Variants in EPHB2 observed in about 807,000 individuals in gnomAD.
EPHB2 encodes ephrin type-B receptor 2.
A neutral mutation model predicts 96.4 loss-of-function variants in EPHB2; 18 were observed. That is an observed-to-expected ratio of 0.19 (90% CI 0.13 to 0.28). The LOEUF (loss-of-function observed/expected upper bound fraction) is 0.28, where lower values mean the gene tolerates loss of function less well. Ranked by LOEUF, EPHB2 falls within the 10% of genes least tolerant of loss-of-function variation. The probability of loss-of-function intolerance (pLI) is 1.00; values close to 1 mark genes in which losing one functional copy is unlikely to be tolerated. For missense variants in EPHB2, 989 were observed against 1,355.4 expected, an observed-to-expected ratio of 0.73 and a Z score of 4.25; for synonymous variants, 506 against 534.1, an observed-to-expected ratio of 0.95 and a Z score of 0.72.
At chr1:22,768,576 C>T (rs1644336910) in intron 1 of EPHB2, among the ~76,000 whole-genome samples, 1 of 151,950 alleles carries the variant, frequency 6.6e-6, no homozygotes, top group Non-Finnish European at 1.5e-5. Context: ...ACGTGTAGTC[C>T]CAGCTTCTCA....
At chr1:22,720,660 TCCCCCC>T (rs916713865) in intron 1 of EPHB2, among the ~76,000 whole-genome samples, 4 of 57,380 alleles carry the variant, frequency 7.0e-5, no homozygotes, top group African/African-American at 1.9e-4. Context: ...GAAATCTCAT[TCCCCCC>T]CCCCCCCGCC....
chr1:22,730,000 A>G (rs1643671387), intron 1 of EPHB2, among the ~76,000 whole-genome samples: 1 of 152,230 alleles, frequency 6.6e-6, no homozygotes, highest in Non-Finnish European at 1.5e-5. Flanking sequence ...GTGCTGTGAC[A>G]TCCATCATCT....
intron 3 of EPHB2, among the ~76,000 whole-genome samples, chr1:22,820,797 AT>A (rs1645142534): frequency 6.6e-6 from 1 of 152,240 alleles, no homozygotes; most frequent in South Asian, 2.1e-4. Flanking sequence ...AGTATTTGTT[AT>A]TATAACCATT....
chr1:22,891,961 ATTT>A (rs528214016), intron 6 of EPHB2, among the ~76,000 whole-genome samples: 1 of 138,648 alleles, frequency 7.2e-6, no homozygotes. Flanking sequence ...TGCCCAGCTA[ATTT>A]TTTTTTTTTT....
intron 6 of EPHB2, chr1:22,891,313 C>T (rs1639380746): frequency 2.4e-6 from 1 of 413,526 alleles, no homozygotes; most frequent in South Asian, 1.8e-5. Context: ...GGGCTCCGTG[C>T]ACTCTGTGAT....
In EPHB2 at chr1:22,893,065, G is replaced by T. The variant is rs748716233; in HGVS notation, c.1591+19G>T. The T allele has an allele frequency of 6.2e-7, 1 of 1,614,084 alleles. No homozygotes were observed. The highest frequency in any genetic ancestry group is 8.5e-7 in the Non-Finnish European group (1 of 1,180,012). On this transcript the variant is annotated intron_variant, in intron 7 of 15. Transcript: ENST00000374630. ...ACAGAAGGTGAGCAGAGTCCAGCGG[G>T]CAAGAGGAGGGCACAGACTCCACAA...
intron 6 of EPHB2, 27 bp downstream of exon 6, chr1:22,882,510 A>G (rs1314134914): frequency 3.1e-6 from 5 of 1,612,286 alleles, no homozygotes; most frequent in African/African-American, 1.3e-5. Flanking sequence ...TGCTGTCCCC[A>G]TCACCCACCT....
chr1:22,909,051 C>T lies in EPHB2; in HGVS notation c.2382C>T (p.Ala794=). Residue 794 remains alanine, a synonymous_variant, in exon 13 of 16, where the codon GCC becomes GCT. Transcript: ENST00000374630. ...GAAAGATCCCCATCCGCTGGACAGCCCCGGAAGCCATCCAGTACCGGAAGT... is the reference window on the plus strand; with the variant it reads ...GAAAGATCCCCATCCGCTGGACAGCTCCGGAAGCCATCCAGTACCGGAAGT... ...LGGKIPIRWT[A]PEAIQYRKFT... 6.2e-7 allele frequency: 1 copy of T among 1,614,210 alleles called. No homozygotes were observed. Among genetic ancestry groups the T allele is most frequent in the Non-Finnish European group, 8.5e-7 (1 of 1,180,044 alleles).
intron 1 of EPHB2, among the ~76,000 whole-genome samples, chr1:22,752,108 C>T (rs968861433): frequency 6.6e-6 from 1 of 152,232 alleles, no homozygotes; most frequent in African/African-American, 2.4e-5. Flanking sequence ...TATTGTGAAA[C>T]TTAAACATGA....
rs150285647 is a variant in EPHB2 at position 22,774,853 on chromosome 1, T to C, written c.62-6568T>C. Among the ~76,000 whole-genome samples the C allele has an allele frequency of 3.7e-3, 557 of 152,284 alleles. 2 individuals are homozygous for C. The highest frequency in any genetic ancestry group is 0.013 in the African/African-American group (530 of 41,540). ...GAACAAGGTGGATGCAGACCTCCCC[T>C]ACATGTGGGCCCTGGGAGACATCAG... On this transcript the variant is annotated intron_variant, in intron 1 of 15. Coordinates refer to ENST00000374630, the MANE Select transcript of EPHB2 (RefSeq NM_017449.5).
At chr1:22,792,278 T>G (rs1304161200) in intron 3 of EPHB2, among the ~76,000 whole-genome samples, 2 of 151,422 alleles carry the variant, frequency 1.3e-5, no homozygotes, top group African/African-American at 2.4e-5. Flanking sequence ...TGGGGAAGGG[T>G]GTGAGGGTTG....
At chr1:22,815,573 T>C (rs987159694) in intron 3 of EPHB2, among the ~76,000 whole-genome samples, 1 of 152,262 alleles carries the variant, frequency 6.6e-6, no homozygotes, top group African/African-American at 2.4e-5. Context: ...GAGCCCTGCA[T>C]TGGCCCCAGG....
intron 3 of EPHB2, among the ~76,000 whole-genome samples, chr1:22,806,892 G>C (rs1022446543): frequency 6.7e-6 from 1 of 150,244 alleles, no homozygotes; most frequent in African/African-American, 2.5e-5. Flanking sequence ...GCCCCCCCTC[G>C]TCACCACCCC....
At chr1:22,866,920 G>A (rs577159136) in intron 5 of EPHB2, among the ~76,000 whole-genome samples, 3 of 152,274 alleles carry the variant, frequency 2.0e-5, no homozygotes, top group South Asian at 4.1e-4. Flanking sequence ...GGTGACAAGA[G>A]CAAAATTCTG....
At chr1:22,831,231 GTGA>G (rs1645299186) in intron 3 of EPHB2, among the ~76,000 whole-genome samples, 2 of 152,182 alleles carry the variant, frequency 1.3e-5, no homozygotes, top group Non-Finnish European at 2.9e-5. Flanking sequence ...ATTGAGTGAG[GTGA>G]TTTATATAGG....
chr1:22,857,600 C>T (rs549676617), intron 3 of EPHB2, among the ~76,000 whole-genome samples: 20 of 152,146 alleles, frequency 1.3e-4, no homozygotes, highest in Admixed American at 2.0e-4. Context: ...GTTTGAAAAC[C>T]GAGATGCTTT....
At chr1:22,866,713 C>T (rs896394344) in intron 5 of EPHB2, among the ~76,000 whole-genome samples, 3 of 152,126 alleles carry the variant, frequency 2.0e-5, no homozygotes, top group Admixed American at 6.5e-5. Context: ...GCGGGAGGAT[C>T]ACCTGAGGTC....
At chr1:22,824,955 C>A (rs1214319638) in intron 3 of EPHB2, among the ~76,000 whole-genome samples, 1 of 152,204 alleles carries the variant, frequency 6.6e-6, no homozygotes, top group Non-Finnish European at 1.5e-5. Flanking sequence ...TCCTCTGCAG[C>A]CCTGCGGGAA....
At chr1:22,718,053 T>C (rs116628140) in intron 1 of EPHB2, among the ~76,000 whole-genome samples, 2,233 of 152,276 alleles carry the variant, frequency 0.015, 64 homozygotes, top group African/African-American at 0.05. Flanking sequence ...TTGCTATCCT[T>C]GCTTTCTACC....
Sources: gnomAD v4.1 joint callset for allele counts (sites outside exome capture counted in the v4.1 genomes callset) on GRCh38, gnomAD v4.1.1 for gene constraint, MANE v1.5 for transcripts, NCBI Gene and HGNC (gene_info 2026-07-23, HGNC 2026-07-21) for gene names.